IGF1R: variants seen among roughly 807,000 people sequenced by gnomAD.
IGF1R encodes insulin like growth factor 1 receptor.
Under a neutral mutation model 144.6 loss-of-function variants are expected in IGF1R, and 44 were observed. The ratio of observed to expected loss-of-function variants is 0.30; its 90% confidence interval spans 0.24 to 0.39. IGF1R has a LOEUF of 0.39. IGF1R is among the 10% of genes least tolerant of loss of function. The pLI is 1.00. For missense variants in IGF1R, 1,355 were observed against 1,833.7 expected (o/e 0.74, Z 4.77); for synonymous variants, 795 against 722.8 (o/e 1.10, Z -1.60).
chr15:98,891,259 C>A lies in IGF1R; in HGVS notation c.641-66C>A. Reference sequence around the variant, plus strand: ...AGTGAATGACCCAGAAGGATGCTGGCCAGGCCCAGAGAAGGCGGTGCCTCC... The same window carrying A: ...AGTGAATGACCCAGAAGGATGCTGGACAGGCCCAGAGAAGGCGGTGCCTCC... On this transcript the variant is annotated intron_variant, in intron 2 of 20. Transcript: ENST00000650285. The surrounding 1 kb of genome is among the most constrained non-coding windows in gnomAD (Gnocchi z 4.7). 6.7e-7 allele frequency: 1 copy of A among 1,482,158 alleles called. No homozygotes were observed. Among genetic ancestry groups the A allele is most frequent in the Non-Finnish European group, 9.2e-7 (1 of 1,081,852 alleles). 91.8% of individuals were successfully genotyped at this position (1,482,158 alleles called of 1,614,324 possible). A position where few individuals can be genotyped will look rare whatever the true frequency, so the allele number is the denominator to read the frequency against.
In IGF1R at chr15:98,945,429, G is replaced by C. The variant is rs542553607; in HGVS notation, c.3587+2377G>C. On this transcript the variant is annotated intron_variant, in intron 19 of 20. Transcript: ENST00000650285. ...CATTGCAGGGGGACTCACAGCCGCC[G>C]GTCTTCCCCCTGGGGAAACAACGTC... is the stretch of plus-strand genomic sequence containing the variant. Among the ~76,000 whole-genome samples, 3 of 152,138 alleles carry C rather than the reference G, an allele frequency of 2.0e-5. No individual in the cohort carries two copies. In the East Asian group the frequency reaches 5.8e-4, roughly 29 times the overall value.
chr15:98,766,084 T>C (rs1320292247), intron 2 of IGF1R, among the ~76,000 whole-genome samples: 1 of 152,028 alleles, frequency 6.6e-6, no homozygotes, highest in Non-Finnish European at 1.5e-5. Flanking sequence ...GGGAAGGGTG[T>C]GGATGAAGGG....
rs139181377 is a variant in IGF1R at position 98,908,889 on chromosome 15, G to A, written c.1452G>A (p.Glu484=). The A allele has an allele frequency of 2.2e-4, 348 of 1,613,530 alleles. No homozygotes were observed. Among genetic ancestry groups the A allele is most frequent in the Non-Finnish European group, 2.9e-4 (337 of 1,179,752 alleles). The change falls in exon 6 of 21, where the codon GAG becomes GAA. Residue 484 remains glutamate, a synonymous_variant. Coordinates refer to ENST00000650285, the MANE Select transcript of IGF1R (RefSeq NM_000875.5). ...KGDINTRNNG[E]RASCESDVLH... is the part of the protein sequence containing the mutation. ...ACATAAACACCAGGAACAACGGGGA[G>A]AGAGCCTCCTGTGAGTGACAGCATC...
chr15:98,806,043 C>T (rs2056464155), intron 2 of IGF1R, among the ~76,000 whole-genome samples: 1 of 152,154 alleles, frequency 6.6e-6, no homozygotes, highest in Non-Finnish European at 1.5e-5. Context: ...GAGTTTGTTG[C>T]CAGGCCCCTT....
At chr15:98,814,300 A>G (rs1478697317) in intron 2 of IGF1R, among the ~76,000 whole-genome samples, 1 of 151,736 alleles carries the variant, frequency 6.6e-6, no homozygotes, top group Admixed American at 6.6e-5. Flanking sequence ...AGCTTTTTTT[A>G]ATGCCCTGTG....
At chr15:98,757,634 C>G (rs2055187323) in intron 2 of IGF1R, among the ~76,000 whole-genome samples, 1 of 151,948 alleles carries the variant, frequency 6.6e-6, no homozygotes, top group Admixed American at 6.6e-5. Context: ...GCCTTGAGTT[C>G]TTGGTTTGAT....
In IGF1R at chr15:98,852,535, G is replaced by C. The variant is rs570841900; in HGVS notation, c.641-38790G>C. Among the ~76,000 whole-genome samples the C allele has an allele frequency of 2.6e-3, 390 of 152,326 alleles. 8 individuals are homozygous for C. The highest frequency in any genetic ancestry group is 4.9e-4 in the Non-Finnish European group (33 of 68,024). Reference sequence around the variant, plus strand: ...GTGGGCATCCCGCAAGGATGCAGCAGGAGTATTAGGGAGGCGATCACCAGA... The same window carrying C: ...GTGGGCATCCCGCAAGGATGCAGCACGAGTATTAGGGAGGCGATCACCAGA... On this transcript the variant is annotated intron_variant, in intron 2 of 20. Transcript: ENST00000650285.
At position 98,651,018 on chromosome 15, in the gene IGF1R, A is replaced by G. The variant is rs1050157238; in HGVS notation, c.94+1343A>G. The G allele has an allele frequency of 3.0e-6, 3 of 985,254 alleles. No homozygotes were observed. In the African/African-American group the frequency reaches 5.2e-5, roughly 17 times the overall value. 61.0% of individuals were successfully genotyped at this position (985,254 alleles called of 1,614,324 possible). On this transcript the variant is annotated intron_variant, in intron 1 of 20. Transcript: ENST00000650285. ...CTGGTACATTCAAGATGGTAGGGTA[A>G]TTTGAACACGATTAAAAGTTTAAAT...
chr15:98,753,380 C>CTTTTTT (rs1173073572), intron 2 of IGF1R, among the ~76,000 whole-genome samples: 49 of 60,284 alleles, frequency 8.1e-4, no homozygotes, highest in East Asian at 1.7e-3. Flanking sequence ...CCATACCTGG[C>CTTTTTT]TTTTTTTTTT....
rs746344019 is a variant in IGF1R at position 98,924,672 on chromosome 15, G to A, written c.2770G>A (p.Val924Ile). Reference protein sequence around the residue: ...GSWTDPVFFYVQAKTGYENFI... With the variant: ...GSWTDPVFFYIQAKTGYENFI... Reference sequence around the variant, plus strand: ...GTGGACAGATCCTGTGTTCTTCTATGTCCAGGCCAAAAGTAAGGCTTGTGG... The same window carrying A: ...GTGGACAGATCCTGTGTTCTTCTATATCCAGGCCAAAAGTAAGGCTTGTGG... Residue 924 changes from valine to isoleucine, a missense_variant, in exon 13 of 21, where the codon GTC becomes ATC. Val to Ile is a conservative substitution (Grantham distance 29, BLOSUM62 3). Coordinates refer to ENST00000650285, the MANE Select transcript of IGF1R (RefSeq NM_000875.5). 1 of 1,614,016 alleles carries A rather than the reference G, an allele frequency of 6.2e-7. No individual in the cohort carries two copies. Among genetic ancestry groups the A allele is most frequent in the Non-Finnish European group, 8.5e-7 (1 of 1,179,992 alleles).
At chr15:98,944,794 C>T (rs1367965253) in intron 19 of IGF1R, among the ~76,000 whole-genome samples, 4 of 152,234 alleles carry the variant, frequency 2.6e-5, no homozygotes, top group Non-Finnish European at 5.9e-5. Flanking sequence ...CCAGGGACTC[C>T]ATGTTCACTG....
At chr15:98,783,958 A>ATTTTTT (rs71149420) in intron 2 of IGF1R, among the ~76,000 whole-genome samples, 4 of 54,794 alleles carry the variant, frequency 7.3e-5, no homozygotes, top group African/African-American at 2.4e-4. Context: ...GGCATCTGAA[A>ATTTTTT]TTTTTTTTTT....
intron 2 of IGF1R, among the ~76,000 whole-genome samples, chr15:98,886,972 T>C (rs2013672479): frequency 6.6e-6 from 1 of 152,230 alleles, no homozygotes; most frequent in Admixed American, 6.5e-5. Context: ...AACTTTCCTT[T>C]TGACCTTCCC....
chr15:98,701,503 A>G lies in IGF1R; in HGVS notation c.95-6059A>G, dbSNP rs539641024. Among the ~76,000 whole-genome samples the G allele has an allele frequency of 1.8e-4, 28 of 151,684 alleles. No homozygotes were observed. In the South Asian group the frequency reaches 5.7e-3, roughly 31 times the overall value. The stretch of plus-strand genomic sequence containing the variant: ...AGGTGCCCGCCACCACACCCGGCTA[A>G]TTTTGTTTTTGTATTTTTAGTAGAG... On this transcript the variant is annotated intron_variant, in intron 1 of 20. Coordinates refer to ENST00000650285, the MANE Select transcript of IGF1R (RefSeq NM_000875.5).
At chr15:98,745,121 G>A (rs1596259637) in intron 2 of IGF1R, among the ~76,000 whole-genome samples, 1 of 152,304 alleles carries the variant, frequency 6.6e-6, no homozygotes. Flanking sequence ...TTTTCTATCA[G>A]TATTAGCTAA....
intron 2 of IGF1R, among the ~76,000 whole-genome samples, chr15:98,850,853 G>C (rs2011501345): frequency 6.6e-6 from 1 of 151,822 alleles, no homozygotes. Flanking sequence ...ACTGAGTGCT[G>C]CAAATGTTTG....
chr15:98,650,079 C>T (rs1266157323), intron 1 of IGF1R, among the ~76,000 whole-genome samples: 1 of 152,060 alleles, frequency 6.6e-6, no homozygotes, highest in Non-Finnish European at 1.5e-5. Context: ...TGATCCCCTG[C>T]GGCGCGCAGG....
intron 2 of IGF1R, among the ~76,000 whole-genome samples, chr15:98,773,818 G>T (rs2055648588): frequency 6.6e-6 from 1 of 152,136 alleles, no homozygotes. Context: ...CATAGCTCCA[G>T]TAGGTGTCTG....
intron 11 of IGF1R, among the ~76,000 whole-genome samples, chr15:98,923,286 A>G (rs1429268931): frequency 6.6e-6 from 1 of 152,260 alleles, no homozygotes; most frequent in Non-Finnish European, 1.5e-5. Flanking sequence ...TGGTGCCGGC[A>G]GGGAGGGCTT....
Sources: allele counts gnomAD v4.1 joint callset (sites outside exome capture counted in the v4.1 genomes callset), GRCh38; gene constraint gnomAD v4.1.1; non-coding constraint Gnocchi (gnomAD v3.1); transcripts MANE v1.5; gene names NCBI Gene and HGNC (gene_info 2026-07-23, HGNC 2026-07-21).